DLGAP1: variants seen among roughly 807,000 people sequenced by gnomAD.
DLGAP1 encodes the protein DLG associated protein 1.
In DLGAP1, 11 loss-of-function variants were observed where a neutral mutation model predicts 90.8. That is an observed-to-expected ratio of 0.12 (90% confidence interval 0.08 to 0.20). The LOEUF (loss-of-function observed/expected upper bound fraction) is 0.20. Ranked by LOEUF, DLGAP1 falls within the 10% of genes least tolerant of loss-of-function variation. The pLI, the probability that DLGAP1 is intolerant of heterozygous loss-of-function variation, is 1.00. For missense variants in DLGAP1, 1,050 were observed against 1,333.8 expected (o/e 0.79, Z 3.31); for synonymous variants, 558 against 540.7 (o/e 1.03, Z -0.44).
intron 7 of DLGAP1, among the ~76,000 whole-genome samples, chr18:3,650,711 T>C (rs2059266766): frequency 6.6e-6 from 1 of 152,200 alleles, no homozygotes; most frequent in South Asian, 2.1e-4. Flanking sequence ...GAACTCCTTC[T>C]GGGAGATAGC....
intron 5 of DLGAP1, among the ~76,000 whole-genome samples, chr18:3,800,976 G>A (rs1032301077): frequency 6.6e-6 from 1 of 152,138 alleles, no homozygotes; most frequent in Non-Finnish European, 1.5e-5. Flanking sequence ...TAGGAAGCAC[G>A]GTGCTGGTAG....
intron 6 of DLGAP1, among the ~76,000 whole-genome samples, chr18:3,735,511 C>G (rs2062602460): frequency 1.3e-5 from 2 of 152,158 alleles, no homozygotes; most frequent in Non-Finnish European, 2.9e-5. Flanking sequence ...GCGTGAGCCA[C>G]CGTGCTTGGC....
At chr18:3,644,617 C>T (rs940155579) in intron 7 of DLGAP1, among the ~76,000 whole-genome samples, 10 of 151,950 alleles carry the variant, frequency 6.6e-5, no homozygotes, top group Non-Finnish European at 7.4e-5. Flanking sequence ...TGCACCATGT[C>T]GGCCAGGCTG....
At chr18:4,433,365 A>G (rs2083331969) in intron 1 of DLGAP1, among the ~76,000 whole-genome samples, 1 of 152,212 alleles carries the variant, frequency 6.6e-6, no homozygotes, top group Non-Finnish European at 1.5e-5. Flanking sequence ...TGTTTGACAT[A>G]ATGATCAACT....
At chr18:4,010,409 G>A (rs916349063) in intron 2 of DLGAP1, among the ~76,000 whole-genome samples, 5 of 152,124 alleles carry the variant, frequency 3.3e-5, no homozygotes, top group African/African-American at 7.2e-5. Flanking sequence ...CTAGCCGGGT[G>A]TGGTGGCACA....
At chr18:4,085,271 GTGGGTGGTCTTGGGGTTTGAT>G (rs2075666144) in intron 2 of DLGAP1, among the ~76,000 whole-genome samples, 1 of 152,162 alleles carries the variant, frequency 6.6e-6, no homozygotes, top group Non-Finnish European at 1.5e-5. Flanking sequence ...GAAAAAAAAT[GTGGGTGGTCTTGGGGTTTGAT>G]TATTTCTACC....
chr18:4,182,613 C>T lies in DLGAP1; in HGVS notation c.-266-31326G>A, dbSNP rs368684593. 2.4e-4 allele frequency among the ~76,000 whole-genome samples: 36 copies of T among 152,218 alleles called. 2 individuals are homozygous for T. The highest frequency in any genetic ancestry group is 5.3e-4 in the African/African-American group (22 of 41,540). The stretch of plus-strand genomic sequence containing the variant: ...ACTCATTCCCTAGGTATCTTCCATG[C>T]GTGTATTAAATAAACATATTAATAA... On this transcript the variant is annotated intron_variant, in intron 1 of 12. Transcript: ENST00000315677.
At chr18:4,324,704 T>C (rs2080775612) in intron 1 of DLGAP1, among the ~76,000 whole-genome samples, 13 of 117,324 alleles carry the variant, frequency 1.1e-4, no homozygotes, top group African/African-American at 5.1e-4. Flanking sequence ...GGAAGCAAGG[T>C]TGGTTCAACA....
At chr18:4,440,518 C>T (rs2144822883) in intron 1 of DLGAP1, among the ~76,000 whole-genome samples, 1 of 152,208 alleles carries the variant, frequency 6.6e-6, no homozygotes, top group South Asian at 2.1e-4. Context: ...CTGTCTAGAA[C>T]TTTCACTAAG....
intron 3 of DLGAP1, among the ~76,000 whole-genome samples, chr18:3,992,135 T>C (rs2073981813): frequency 6.6e-6 from 1 of 152,200 alleles, no homozygotes; most frequent in Admixed American, 6.5e-5. Flanking sequence ...ATTAAAAATC[T>C]CCTACTTAGT....
At chr18:4,402,542 T>A (rs907927920) in intron 1 of DLGAP1, among the ~76,000 whole-genome samples, 3 of 152,162 alleles carry the variant, frequency 2.0e-5, no homozygotes, top group Non-Finnish European at 4.4e-5. Context: ...ATGAGAACGA[T>A]TCAGACAGGG....
intron 7 of DLGAP1, among the ~76,000 whole-genome samples, chr18:3,595,730 T>A (rs1258039291): frequency 6.6e-6 from 1 of 152,200 alleles, no homozygotes; most frequent in East Asian, 1.9e-4. Context: ...TGATCAGGAT[T>A]TCACGGCTCA....
intron 1 of DLGAP1, among the ~76,000 whole-genome samples, chr18:4,223,887 C>T (rs1172795671): frequency 6.6e-6 from 1 of 152,164 alleles, no homozygotes; most frequent in Non-Finnish European, 1.5e-5. Context: ...CATTAAAGAG[C>T]TAAATCATTA....
intron 3 of DLGAP1, among the ~76,000 whole-genome samples, chr18:3,942,111 G>C (rs2072781840): frequency 1.3e-5 from 2 of 152,158 alleles, no homozygotes; most frequent in African/African-American, 2.4e-5. Flanking sequence ...TTTAGGTAGT[G>C]GTCCTGTTTC....
At chr18:3,632,267 T>C (rs2058552404) in intron 7 of DLGAP1, among the ~76,000 whole-genome samples, 1 of 152,148 alleles carries the variant, frequency 6.6e-6, no homozygotes, top group African/African-American at 2.4e-5. Flanking sequence ...AGGGTGTCTT[T>C]ATTTTGTCTT....
At chr18:4,114,638 TG>T (rs1465918203) in intron 2 of DLGAP1, among the ~76,000 whole-genome samples, 2 of 152,066 alleles carry the variant, frequency 1.3e-5, no homozygotes, top group Non-Finnish European at 2.9e-5. Context: ...GTATGACTTC[TG>T]CATATATGTT....
intron 7 of DLGAP1, among the ~76,000 whole-genome samples, chr18:3,635,224 G>A (rs1008560767): frequency 1.1e-4 from 17 of 151,342 alleles, no homozygotes; most frequent in South Asian, 4.2e-4. Flanking sequence ...TCCGCCTCCC[G>A]GGTTCACGCC....
At chr18:4,433,436 C>T (rs1182320520) in intron 1 of DLGAP1, among the ~76,000 whole-genome samples, 10 of 152,156 alleles carry the variant, frequency 6.6e-5, no homozygotes. Flanking sequence ...CTTCTAAAAA[C>T]CACTTAGCTC....
chr18:3,693,203 G>A (rs377278616), intron 7 of DLGAP1, among the ~76,000 whole-genome samples: 1 of 152,062 alleles, frequency 6.6e-6, no homozygotes, highest in Non-Finnish European at 1.5e-5. Context: ...CTGCCTCAGC[G>A]TCTTGAATAG....
Sources: allele counts gnomAD v4.1 joint callset (sites outside exome capture counted in the v4.1 genomes callset), GRCh38; gene constraint gnomAD v4.1.1; transcripts MANE v1.5; gene names NCBI Gene and HGNC (gene_info 2026-07-23, HGNC 2026-07-21).